The following VWF variants were observed in gnomAD, a reference collection of about 807,000 sequenced individuals.
The protein encoded by VWF is von Willebrand factor.
In VWF, 176 loss-of-function variants were observed where a neutral mutation model predicts 308.6. The observed-to-expected ratio is 0.57, with a 90% CI of 0.50 to 0.65. The LOEUF (loss-of-function observed/expected upper bound fraction) is 0.65, where lower values mean the gene tolerates loss of function less well. Among genes scored for constraint, VWF ranks in the 30% least tolerant of loss-of-function variants. The pLI is 0.00. For synonymous variants in VWF, 1,385 were observed against 1,443.4 expected (o/e 0.96, Z 0.92); for missense variants, 3,146 against 3,648.2 (o/e 0.86, Z 3.55).
intron 19 of VWF, among the ~76,000 whole-genome samples, chr12:6,036,157 T>C (rs188127143): frequency 6.6e-6 from 1 of 152,314 alleles, no homozygotes; most frequent in East Asian, 1.9e-4. Context: ...GCATTTCGGA[T>C]AAGGGCTACT....
intron 3 of VWF, among the ~76,000 whole-genome samples, chr12:6,112,933 C>T (rs535393659): frequency 6.6e-6 from 1 of 152,196 alleles, no homozygotes; most frequent in East Asian, 1.9e-4. Context: ...GAATGAGCTA[C>T]AGAATAGACT....
chr12:5,951,705 C>G, intron 50 of VWF, 139 bp downstream of exon 50: 1 of 1,000,250 alleles, frequency 1.0e-6, no homozygotes, highest in Non-Finnish European at 1.6e-6. Flanking sequence ...CCAGTGGTCA[C>G]GAAATATCTT....
intron 5 of VWF, among the ~76,000 whole-genome samples, chr12:6,100,332 G>A (rs1329754059): frequency 2.0e-5 from 3 of 147,970 alleles, no homozygotes; most frequent in Admixed American, 6.7e-5. Flanking sequence ...AAGTCAGTGT[G>A]GTGATTCCTC....
intron 35 of VWF, among the ~76,000 whole-genome samples, chr12:5,995,760 A>C (rs1016402828): frequency 2.0e-5 from 3 of 152,206 alleles, no homozygotes; most frequent in Non-Finnish European, 4.4e-5. Context: ...CACTAAATTC[A>C]CAATTTTATG....
intron 45 of VWF, 44 bp from the exon 46 acceptor site, chr12:5,968,211 C>T: frequency 4.3e-6 from 7 of 1,612,170 alleles, no homozygotes; most frequent in Non-Finnish European, 5.9e-6. Context: ...CAAAACACAC[C>T]CTGGTGAGAC....
At chr12:6,057,457 C>G (rs1020493245) in intron 14 of VWF, among the ~76,000 whole-genome samples, 6 of 146,082 alleles carry the variant, frequency 4.1e-5, no homozygotes, top group Non-Finnish European at 9.0e-5. Flanking sequence ...GGATTACAGG[C>G]GCGCCCCACC....
Position 6,073,610 on chromosome 12 carries a change from G to T in VWF, c.997+9C>A, listed in dbSNP as rs772312234. The stretch of plus-strand genomic sequence containing the variant: ...CTCTGATCTGTAAATAAAGTGGGAA[G>T]TTCATTACCAGGGCAGCTGCAGCCA... On this transcript the variant is annotated intron_variant, in intron 8 of 51. Coordinates refer to ENST00000261405, the MANE Select transcript of VWF (RefSeq NM_000552.5). 2.5e-6 allele frequency: 4 copies of T among 1,613,948 alleles called. No homozygotes were observed. In the East Asian group the frequency reaches 6.7e-5, roughly 27 times the overall value.
intron 3 of VWF, among the ~76,000 whole-genome samples, chr12:6,119,352 C>T (rs1051522787): frequency 6.6e-6 from 1 of 152,228 alleles, no homozygotes; most frequent in African/African-American, 2.4e-5. Flanking sequence ...TTTGTCACAG[C>T]TCTCCGGGTG....
chr12:6,065,077 T>TAGC, intron 11 of VWF, 60 bp downstream of exon 11: 1 of 1,612,092 alleles, frequency 6.2e-7, no homozygotes, highest in Non-Finnish European at 8.5e-7. Context: ...CCATTCAGCC[T>TAGC]AGCAGCTATG....
At chr12:5,985,741 T>G in intron 38 of VWF, 76 bp from the exon 39 acceptor site, 9 of 1,400,564 alleles carry the variant, frequency 6.4e-6, no homozygotes, top group African/African-American at 1.4e-5. Flanking sequence ...AGGTCAGCTC[T>G]CCCTGCCTCC....
chr12:6,100,408 C>G (rs971121361), intron 5 of VWF, among the ~76,000 whole-genome samples: 1 of 149,820 alleles, frequency 6.7e-6, no homozygotes, highest in Non-Finnish European at 1.5e-5. Context: ...ACCCAAAGTA[C>G]TACAAATCAT....
intron 6 of VWF, among the ~76,000 whole-genome samples, chr12:6,092,622 T>TGAGAGTGAGAGAGAGAGAGAGAGAGA (rs1403649370): frequency 2.5e-4 from 23 of 91,520 alleles, no homozygotes; most frequent in African/African-American, 9.5e-4. Context: ...AGTGAGAGTG[T>TGAGAGTGAGAGAGAGAGAGAGAGAGA]GTGTGTGTGT....
In VWF at chr12:6,052,797, G is replaced by GAGA. The variant is rs10622288; in HGVS notation, c.1946-17_1946-15dup. ...GGCAGTTCAGCTCTAGAAGAGAGAG[G>GAGA]AGAAGTAAGGCCTCAGCGGGAATGT... is the stretch of plus-strand genomic sequence containing the variant. On this transcript the variant is annotated splice_polypyrimidine_tract_variant and intron_variant, in intron 15 of 51. Transcript: ENST00000261405. 1,366,169 of 1,609,740 alleles carry GAGA rather than the reference G, an allele frequency of 0.85. 580,553 individuals are homozygous for GAGA. The highest frequency in any genetic ancestry group is 0.87 in the African/African-American group (64,949 of 74,818).
Position 6,102,208 on chromosome 12 carries a change from G to A in VWF, c.533-6624C>T, listed in dbSNP as rs1049095945. ...TGTAATCCCAGCACTTCGGGAGGCC[G>A]AGGTGGGCGGACCACTTGAGGTCAG... On this transcript the variant is annotated intron_variant, in intron 5 of 51. Transcript: ENST00000261405. Among the ~76,000 whole-genome samples the A allele has an allele frequency of 7.2e-5, 11 of 152,334 alleles. No homozygotes were observed. In the South Asian group the frequency reaches 8.3e-4, roughly 11 times the overall value.
At chr12:6,120,492 G>T (rs1327408179) in intron 3 of VWF, among the ~76,000 whole-genome samples, 1 of 151,986 alleles carries the variant, frequency 6.6e-6, no homozygotes, top group African/African-American at 2.4e-5. Flanking sequence ...TAGTAGAGAT[G>T]GGGTTTCACC....
intron 48 of VWF, among the ~76,000 whole-genome samples, chr12:5,953,187 A>G (rs1213199166): frequency 6.6e-6 from 1 of 151,998 alleles, no homozygotes; most frequent in African/African-American, 2.4e-5. Flanking sequence ...AGATCGTGAC[A>G]TTGCACTCCA....
intron 3 of VWF, 103 bp from the exon 4 acceptor site, chr12:6,111,071 GCC>G (rs779469537): frequency 2.8e-6 from 3 of 1,071,488 alleles, no homozygotes; most frequent in Non-Finnish European, 4.2e-6. Context: ...AGCAGAAAAC[GCC>G]CCAAAAAGTC....
rs12313683 is a variant in VWF at position 6,058,205 on chromosome 12, G to C, written c.1534-161C>G. On this transcript the variant is annotated intron_variant, in intron 13 of 51. Coordinates refer to ENST00000261405, the MANE Select transcript of VWF (RefSeq NM_000552.5). The surrounding 1 kb of genome is among the most constrained non-coding windows in gnomAD (Gnocchi z 4.9). ...CTAAGCCCTAGGCTGCAAAAGGGGG[G>C]GCGGGGGAAAGTGAACTGCAGTGTA... 6.6e-6 allele frequency among the ~76,000 whole-genome samples: 1 copy of C among 152,186 alleles called. No homozygotes were observed. The highest frequency in any genetic ancestry group is 1.5e-5 in the Non-Finnish European group (1 of 68,034).
At chr12:6,033,840 C>T (rs970928314) in intron 20 of VWF, among the ~76,000 whole-genome samples, 6 of 152,218 alleles carry the variant, frequency 3.9e-5, no homozygotes, top group Non-Finnish European at 7.3e-5. Context: ...GGTTTGTGGT[C>T]TTCCATTCAG....
Sources: allele counts gnomAD v4.1 joint callset (sites outside exome capture counted in the v4.1 genomes callset), GRCh38; gene constraint gnomAD v4.1.1; non-coding constraint Gnocchi (gnomAD v3.1); transcripts MANE v1.5; gene names NCBI Gene and HGNC (gene_info 2026-07-23, HGNC 2026-07-21).